BIN1: variants seen among roughly 807,000 people sequenced by gnomAD.
BIN1 encodes the protein bridging integrator 1.
In BIN1, 53 loss-of-function variants were observed where a neutral mutation model predicts 82.0. The ratio of observed to expected loss-of-function variants is 0.65; its 90% CI spans 0.52 to 0.81. BIN1 has a LOEUF of 0.81. Ranked by LOEUF, BIN1 falls within the 40% of genes least tolerant of loss-of-function variation. BIN1 has a pLI of 0.00. For missense variants in BIN1, 642 were observed against 784.4 expected (o/e 0.82, Z 2.17); for synonymous variants, 302 against 328.0 (o/e 0.92, Z 0.86).
At position 127,082,766 on chromosome 2, in the gene BIN1, A is replaced by G. The variant is rs1573724130; in HGVS notation, c.85-6060T>C. 1.3e-5 allele frequency among the ~76,000 whole-genome samples: 2 copies of G among 148,368 alleles called. No homozygotes were observed. The highest frequency in any genetic ancestry group is 3.0e-5 in the Non-Finnish European group (2 of 67,334). ...GACCCCTCTCCCGGCTGCTGCTCACACCTCCCCATCCCCACTCCGACAGTG... is the reference window on the plus strand; with the variant it reads ...GACCCCTCTCCCGGCTGCTGCTCACGCCTCCCCATCCCCACTCCGACAGTG... On this transcript the variant is annotated intron_variant, in intron 1 of 18. Coordinates refer to ENST00000316724, the MANE Select transcript of BIN1 (RefSeq NM_139343.3). This position sits in a 1 kb window ranked among gnomAD's most constrained non-coding sequence, Gnocchi z 6.1.
chr2:127,094,760 C>T (rs1022997678), intron 1 of BIN1, among the ~76,000 whole-genome samples: 7 of 152,240 alleles, frequency 4.6e-5, no homozygotes, highest in Non-Finnish European at 7.3e-5. Flanking sequence ...CAGCTCCCCC[C>T]GCCCAGCCCT....
At chr2:127,094,495 TG>T (rs962750442) in intron 1 of BIN1, among the ~76,000 whole-genome samples, 1 of 151,902 alleles carries the variant, frequency 6.6e-6, no homozygotes, top group African/African-American at 2.4e-5. Context: ...AGCAGGAACC[TG>T]GGGGGGTCCC....
At position 127,057,708 on chromosome 2, in the gene BIN1, C is replaced by T. The variant is rs998388711; in HGVS notation, c.1003-107G>A. On this transcript the variant is annotated intron_variant, in intron 11 of 18. Transcript: ENST00000316724. The surrounding 1 kb of genome is among the most constrained non-coding windows in gnomAD (Gnocchi z 5.0). ...CCACGGTTAGTCACACCTCAGGCCACAGTCCCACCCAGGCCACTGAGCAGG... is the reference window on the plus strand; with the variant it reads ...CCACGGTTAGTCACACCTCAGGCCATAGTCCCACCCAGGCCACTGAGCAGG... 8 of 1,339,000 alleles carry T rather than the reference C, an allele frequency of 6.0e-6. No individual in the cohort carries two copies. In the African/African-American group the frequency reaches 1.0e-4, roughly 17 times the overall value. The allele number at this position is 1,339,000 out of a possible 1,614,324, so 82.9% of individuals were successfully genotyped here. A position where few individuals can be genotyped will look rare whatever the true frequency, so the allele number is the denominator to read the frequency against.
intron 18 of BIN1, among the ~76,000 whole-genome samples, chr2:127,049,105 G>T (rs1682542292): frequency 6.6e-6 from 1 of 152,230 alleles, no homozygotes; most frequent in African/African-American, 2.4e-5. Context: ...CCCCAGGTGG[G>T]TCACGGGGAG....
At chr2:127,053,098 G>A (rs777322433) in intron 14 of BIN1, 32 of 450,108 alleles carry the variant, frequency 7.1e-5, no homozygotes, top group Non-Finnish European at 1.1e-4. Flanking sequence ...GAGGACACTC[G>A]TCCATCCTGG....
intron 1 of BIN1, among the ~76,000 whole-genome samples, chr2:127,103,885 C>G (rs1401083269): frequency 6.6e-6 from 1 of 152,262 alleles, no homozygotes; most frequent in African/African-American, 2.4e-5. Flanking sequence ...CCCACAGGCT[C>G]AAGCTCCCAG....
rs1573851375 is a variant in BIN1, at chr2:127,107,028, C to A, written c.-85G>T. ...CGCGCTCCCAGCCCCCAGCCCCGGC[C>A]GCGCGTCCAGACCGGCTGCCGCTCC... On this transcript the variant is annotated 5_prime_UTR_variant, in exon 1 of 19. Coordinates refer to ENST00000316724, the MANE Select transcript of BIN1 (RefSeq NM_139343.3). The surrounding 1 kb of genome is among the most constrained non-coding windows in gnomAD (Gnocchi z 5.9). 2.2e-6 allele frequency: 3 copies of A among 1,377,072 alleles called. No individual in the cohort carries two copies. The highest frequency in any genetic ancestry group is 2.8e-6 in the Non-Finnish European group (3 of 1,056,288). 85.3% of individuals were successfully genotyped at this position (1,377,072 alleles called of 1,614,324 possible).
At chr2:127,061,793 C>G (rs981703966) in intron 10 of BIN1, among the ~76,000 whole-genome samples, 1 of 152,204 alleles carries the variant, frequency 6.6e-6, no homozygotes, top group Non-Finnish European at 1.5e-5. Context: ...TTCACACCCC[C>G]CAGTCCCCAA....
At chr2:127,070,410 G>T in intron 4 of BIN1, 143 bp downstream of exon 4, 1 of 984,624 alleles carries the variant, frequency 1.0e-6, no homozygotes, top group Non-Finnish European at 1.6e-6. Context: ...CCCTCAGAGA[G>T]GGAGGGCAGC....
chr2:127,105,567 C>A (rs572945089), intron 1 of BIN1, among the ~76,000 whole-genome samples: 3 of 151,676 alleles, frequency 2.0e-5, no homozygotes, highest in Admixed American at 6.6e-5. Context: ...AGGGCCCTTC[C>A]TTCAATGCAC....
At chr2:127,087,220 T>G (rs556952010) in intron 1 of BIN1, among the ~76,000 whole-genome samples, 3 of 152,138 alleles carry the variant, frequency 2.0e-5, no homozygotes, top group Non-Finnish European at 4.4e-5. Context: ...AGGTCCTGTC[T>G]GCATCAGAGC....
chr2:127,096,081 G>T (rs577432555), intron 1 of BIN1, among the ~76,000 whole-genome samples: 3 of 152,256 alleles, frequency 2.0e-5, no homozygotes, highest in Admixed American at 2.0e-4. Flanking sequence ...ATGAATAAAT[G>T]ATGCCAGACC....
chr2:127,105,302 G>C (rs1028868551), intron 1 of BIN1, among the ~76,000 whole-genome samples: 2 of 152,110 alleles, frequency 1.3e-5, no homozygotes, highest in Non-Finnish European at 1.5e-5. Flanking sequence ...TGGCCCTTTA[G>C]GGAAGGAAGC....
At chr2:127,077,144 C>A (rs1686714051) in intron 1 of BIN1, among the ~76,000 whole-genome samples, 1 of 152,180 alleles carries the variant, frequency 6.6e-6, no homozygotes, top group Non-Finnish European at 1.5e-5. Context: ...TGGGCCCAGG[C>A]CCATGAATGC....
Position 127,054,341 on chromosome 2 carries a change from C to T in BIN1, c.1132-329G>A, listed in dbSNP as rs1489016729. Reference sequence around the variant, plus strand: ...ACCCCGCAGGGCCAGCACCAGGCCCCAGCTCTCTTCCGCCACCATCCACAG... The same window carrying T: ...ACCCCGCAGGGCCAGCACCAGGCCCTAGCTCTCTTCCGCCACCATCCACAG... On this transcript the variant is annotated intron_variant, in intron 12 of 18. Coordinates refer to ENST00000316724, the MANE Select transcript of BIN1 (RefSeq NM_139343.3). 4 of 386,104 alleles carry T rather than the reference C, an allele frequency of 1.0e-5. No individual in the cohort carries two copies. In the East Asian group the frequency reaches 2.4e-4, roughly 23 times the overall value. The allele number at this position is 386,104 out of a possible 1,614,324, so 23.9% of individuals were successfully genotyped here. A position where few individuals can be genotyped will look rare whatever the true frequency, so the allele number is the denominator to read the frequency against.
chr2:127,048,585 T>C lies in BIN1; in HGVS notation c.1723A>G (p.Lys575Glu). 1 of 1,613,752 alleles carries C rather than the reference T, an allele frequency of 6.2e-7. No individual in the cohort carries two copies. The highest frequency in any genetic ancestry group is 8.5e-7 in the Non-Finnish European group (1 of 1,180,022). Reference protein sequence around the residue: ...GVKESDWNQHKELEKCRGVFP... With the variant: ...GVKESDWNQHEELEKCRGVFP... ...ACGCCACGGCACTTCTCCAGCTCCTTGTGCTGGTTCCAGTCGCTCTCCTTC... is the reference window on the plus strand; with the variant it reads ...ACGCCACGGCACTTCTCCAGCTCCTCGTGCTGGTTCCAGTCGCTCTCCTTC... Residue 575 changes from lysine to glutamate, a missense_variant, in exon 19 of 19, where the codon AAG (lysine) becomes GAG (glutamate). By Grantham distance (56) the Lys-to-Glu change is moderately conservative. Transcript: ENST00000316724.
intron 2 of BIN1, 58 bp from the exon 3 acceptor site, chr2:127,070,874 C>A (rs75768060): frequency 6.5e-7 from 1 of 1,531,562 alleles, no homozygotes; most frequent in East Asian, 2.4e-5. Flanking sequence ...AGTCCCTGAC[C>A]CTCTCCTTCC....
chr2:127,107,114 G>A lies in BIN1; in HGVS notation c.-171C>T, dbSNP rs2105380532. 9.4e-6 allele frequency: 6 copies of A among 636,192 alleles called. No individual in the cohort carries two copies. In the South Asian group the frequency reaches 2.6e-4, roughly 27 times the overall value. The allele number at this position is 636,192 out of a possible 1,614,324, so 39.4% of individuals were successfully genotyped here. ...GGCGGAGCGTGCGCCGGACGGGCGA[G>A]CGAGCCAGCGAGCTAGCCAGCGAGC... On this transcript the variant is annotated 5_prime_UTR_variant, in exon 1 of 19. Transcript: ENST00000316724. This position sits in a 1 kb window ranked among gnomAD's most constrained non-coding sequence, Gnocchi z 5.9.
At chr2:127,052,743 C>A in intron 14 of BIN1, 1 of 301,052 alleles carries the variant, frequency 3.3e-6, no homozygotes, top group Non-Finnish European at 6.3e-6. Flanking sequence ...CCCGCCTGCC[C>A]CTCCCAGCAT....
Sources: allele counts gnomAD v4.1 joint callset (sites outside exome capture counted in the v4.1 genomes callset), GRCh38; gene constraint gnomAD v4.1.1; non-coding constraint Gnocchi (gnomAD v3.1); transcripts MANE v1.5; gene names NCBI Gene and HGNC (gene_info 2026-07-23, HGNC 2026-07-21).